ZNF180: variants seen among roughly 807,000 people sequenced by gnomAD.
ZNF180 encodes zinc finger protein 180, also known as zinc finger protein 180 (HHZ168).
Under a neutral mutation model 11.8 loss-of-function variants are expected in ZNF180, and 11 were observed. That is an observed-to-expected ratio of 0.93 (90% CI 0.59 to 1.55). ZNF180 has a LOEUF of 1.55. Ranked by LOEUF, ZNF180 falls within the 40% of genes most tolerant of loss-of-function variation. The pLI, the probability that ZNF180 is intolerant of heterozygous loss-of-function variation, is 0.00. For missense variants in ZNF180, 773 were observed against 781.7 expected (o/e 0.99, Z 0.13); for synonymous variants, 287 against 257.7 (o/e 1.11, Z -1.09).
At chr19:44,481,917 TC>T (rs1970090654) in intron 3 of ZNF180, among the ~76,000 whole-genome samples, 2 of 152,224 alleles carry the variant, frequency 1.3e-5, no homozygotes, top group African/African-American at 4.8e-5. Context: ...TGGACTTCTA[TC>T]CCACTTATTC....
In ZNF180 at chr19:44,476,155, T is replaced by A. The variant is rs1969860268; in HGVS notation, c.*247A>T. 2.7e-6 allele frequency: 1 copy of A among 368,180 alleles called. No individual in the cohort carries two copies. Among genetic ancestry groups the A allele is most frequent in the Admixed American group, 4.2e-5 (1 of 23,718 alleles). 22.8% of individuals were successfully genotyped at this position (368,180 alleles called of 1,614,324 possible). On this transcript the variant is annotated 3_prime_UTR_variant, in exon 5 of 5. Transcript: ENST00000592529. Reference sequence around the variant, plus strand: ...CAAGGAAAAGTGCCAGTATTTATTATTTTCATAGGAATATGTCATAAGAAT... The same window carrying A: ...CAAGGAAAAGTGCCAGTATTTATTAATTTCATAGGAATATGTCATAAGAAT...
intron 4 of ZNF180, 143 bp downstream of exon 4, chr19:44,479,140 T>C: frequency 1.0e-6 from 1 of 962,912 alleles, no homozygotes; most frequent in Non-Finnish European, 1.5e-6. Context: ...CTAAAATTAA[T>C]CTTCACTGGG....
rs1209689459 is a variant in ZNF180 at position 44,476,943 on chromosome 19, C to A, written c.1457G>T (p.Arg486Ile). The change falls in exon 5 of 5, where the codon AGA (arginine) becomes ATA (isoleucine). Residue 486 changes from arginine to isoleucine, a missense_variant. Physicochemically the swap from Arg to Ile is moderately conservative, Grantham distance 97 (BLOSUM62 -3). Transcript: ENST00000592529. ...AAAGGGTTTTTCTCCTGTGTGAGTTCTCTGATGAGCAACAAGTTTATAACT... is the reference window on the plus strand; with the variant it reads ...AAAGGGTTTTTCTCCTGTGTGAGTTATCTGATGAGCAACAAGTTTATAACT... The part of the protein sequence containing the change: ...SQSYKLVAHQ[R>I]THTGEKPFEC... The A allele has an allele frequency of 6.2e-7, 1 of 1,613,916 alleles. No homozygotes were observed. The highest frequency in any genetic ancestry group is 1.3e-5 in the African/African-American group (1 of 74,894).
chr19:44,487,713 T>TTTG (rs2123470365), intron 2 of ZNF180, among the ~76,000 whole-genome samples: 1 of 152,214 alleles, frequency 6.6e-6, no homozygotes, highest in African/African-American at 2.4e-5. Context: ...TCTTTTACTT[T>TTTG]TTTGTTTGTT....
intron 1 of ZNF180, among the ~76,000 whole-genome samples, chr19:44,499,094 T>G (rs1377273278): frequency 6.6e-6 from 1 of 152,140 alleles, no homozygotes; most frequent in African/African-American, 2.4e-5. Flanking sequence ...GCCCCACTAT[T>G]TGCCCGCAGC....
chr19:44,491,309 C>G (rs749153573), intron 2 of ZNF180, among the ~76,000 whole-genome samples: 1 of 152,256 alleles, frequency 6.6e-6, no homozygotes, highest in African/African-American at 2.4e-5. Context: ...CTGCTCCCAA[C>G]TTACTCTTAC....
At chr19:44,486,231 T>C (rs1970225357) in intron 2 of ZNF180, among the ~76,000 whole-genome samples, 1 of 152,208 alleles carries the variant, frequency 6.6e-6, no homozygotes, top group South Asian at 2.1e-4. Context: ...TAGATTTCTA[T>C]AAAATATAAA....
chr19:44,483,550 C>T (rs894183658), intron 3 of ZNF180, among the ~76,000 whole-genome samples: 6 of 152,140 alleles, frequency 3.9e-5, no homozygotes, highest in African/African-American at 1.4e-4. Context: ...AGCCTGTTTC[C>T]TCTCATAATC....
In ZNF180 at chr19:44,476,970, T is replaced by C; in HGVS notation, c.1430A>G (p.Gln477Arg). The change falls in exon 5 of 5, where the codon CAA becomes CGA. Residue 477 changes from glutamine to arginine, a missense_variant. Coordinates refer to ENST00000592529, the MANE Select transcript of ZNF180 (RefSeq NM_001278509.3). ...CTGATGAGCAACAAGTTTATAACTT[T>C]GACTAAAGGATTTCCCACACTGATT... The part of the protein sequence containing the change: ...ECNQCGKSFS[Q>R]SYKLVAHQRT... The C allele has an allele frequency of 6.2e-7, 1 of 1,614,054 alleles. No homozygotes were observed. Among genetic ancestry groups the C allele is most frequent in the Non-Finnish European group, 8.5e-7 (1 of 1,179,990 alleles).
chr19:44,481,181 A>C (rs1032281526), intron 3 of ZNF180, among the ~76,000 whole-genome samples: 3 of 152,168 alleles, frequency 2.0e-5, no homozygotes, highest in Non-Finnish European at 4.4e-5. Context: ...AGGCAAGGGG[A>C]AGTCGAATGC....
intron 3 of ZNF180, among the ~76,000 whole-genome samples, chr19:44,481,353 T>C (rs1970075272): frequency 6.6e-6 from 1 of 152,222 alleles, no homozygotes; most frequent in Non-Finnish European, 1.5e-5. Flanking sequence ...AATGTTTTCA[T>C]GATTAGCCCA....
chr19:44,486,150 TATAA>T (rs1224834058), intron 2 of ZNF180, among the ~76,000 whole-genome samples: 2 of 152,176 alleles, frequency 1.3e-5, no homozygotes, highest in Non-Finnish European at 2.9e-5. Flanking sequence ...TACCGATACA[TATAA>T]ATAATAGAAA....
chr19:44,487,092 G>A (rs188211506), intron 2 of ZNF180, among the ~76,000 whole-genome samples: 20 of 152,086 alleles, frequency 1.3e-4, no homozygotes, highest in African/African-American at 4.6e-4. Flanking sequence ...ACGGTGGTAT[G>A]TGCCTACAGT....
chr19:44,475,997 C>T lies in ZNF180; in HGVS notation c.*405G>A, dbSNP rs2293164. The stretch of plus-strand genomic sequence containing the variant: ...TTTCCAGCCTAAGTTCTAAACACTA[C>T]AGCAACCTTTAAATTTTCTCAATAA... On this transcript the variant is annotated 3_prime_UTR_variant, in exon 5 of 5. Coordinates refer to ENST00000592529, the MANE Select transcript of ZNF180 (RefSeq NM_001278509.3). The T allele has an allele frequency of 0.1, 16,187 of 161,792 alleles. 1,031 individuals are homozygous for T. Among genetic ancestry groups the T allele is most frequent in the East Asian group, 0.33 (1,800 of 5,400 alleles). 10.0% of individuals were successfully genotyped at this position (161,792 alleles called of 1,614,324 possible).
rs1969815310 is a variant in ZNF180 at position 44,474,737 on chromosome 19, T to A, written c.*1665A>T. Reference sequence around the variant, plus strand: ...TTCAACCCCACTGGCCATGTAAGACTAGGCCTGGAGCCTGGAACACATCCT... The same window carrying A: ...TTCAACCCCACTGGCCATGTAAGACAAGGCCTGGAGCCTGGAACACATCCT... On this transcript the variant is annotated 3_prime_UTR_variant, in exon 5 of 5. Transcript: ENST00000592529. 6.6e-6 allele frequency: 1 copy of A among 152,282 alleles called. No homozygotes were observed. The highest frequency in any genetic ancestry group is 2.4e-5 in the African/African-American group (1 of 41,478). The allele number at this position is 152,282 out of a possible 1,614,324, so 9.4% of individuals were successfully genotyped here.
At chr19:44,488,399 C>T (rs189617433) in intron 2 of ZNF180, among the ~76,000 whole-genome samples, 55 of 152,284 alleles carry the variant, frequency 3.6e-4, no homozygotes, top group African/African-American at 1.2e-3. Context: ...CGAGTGCCCG[C>T]GATTGCAGGC....
chr19:44,477,551 C>G lies in ZNF180; in HGVS notation c.849G>C (p.Leu283Phe), dbSNP rs370092916. ...GTTCATTATGGGATATTTTGGGGTT[C>G]AAAACCTGCCCACATTCTTTAAAAT... The part of the protein sequence containing the change: ...TFDFKECGQV[L>F]NPKISHNEQQ... Residue 283 changes from leucine (L) to phenylalanine (F), a missense_variant, in exon 5 of 5, where the codon TTG becomes TTC. Physicochemically the swap from Leu to Phe is conservative, Grantham distance 22. Transcript: ENST00000592529. 5.6e-6 allele frequency: 9 copies of G among 1,614,082 alleles called. No individual in the cohort carries two copies. The highest frequency in any genetic ancestry group is 7.6e-6 in the Non-Finnish European group (9 of 1,180,002).
intron 3 of ZNF180, among the ~76,000 whole-genome samples, chr19:44,481,771 C>T (rs1004007880): frequency 2.6e-5 from 4 of 152,198 alleles, no homozygotes; most frequent in African/African-American, 4.8e-5. Flanking sequence ...TGAATGAACA[C>T]TATCAATAAA....
intron 2 of ZNF180, among the ~76,000 whole-genome samples, chr19:44,492,385 C>T (rs973966396): frequency 5.9e-5 from 9 of 151,754 alleles, no homozygotes; most frequent in African/African-American, 2.2e-4. Context: ...TTAAATTACC[C>T]TCTTGTTCAA....
Sources: allele counts gnomAD v4.1 joint callset (sites outside exome capture counted in the v4.1 genomes callset), GRCh38; gene constraint gnomAD v4.1.1; transcripts MANE v1.5; gene names NCBI Gene and HGNC (gene_info 2026-07-23, HGNC 2026-07-21).